The following BMS1 variants were observed in gnomAD, a reference collection of about 807,000 sequenced individuals.
The protein encoded by BMS1 is BMS1 ribosome biogenesis factor.
In BMS1, 53 loss-of-function variants were observed where a neutral mutation model predicts 138.7. The ratio of observed to expected loss-of-function variants is 0.38; its 90% CI spans 0.31 to 0.48. The LOEUF (loss-of-function observed/expected upper bound fraction) is 0.48. Ranked by LOEUF, BMS1 falls within the 20% of genes least tolerant of loss-of-function variation. The pLI is 0.97. For missense variants in BMS1, 1,360 were observed against 1,565.5 expected, an observed-to-expected ratio of 0.87 and a Z score of 2.22; for synonymous variants, 504 against 539.9, an observed-to-expected ratio of 0.93 and a Z score of 0.92.
intron 13 of BMS1, among the ~76,000 whole-genome samples, chr10:42,816,231 G>A (rs554768834): frequency 2.6e-5 from 4 of 152,172 alleles, no homozygotes; most frequent in South Asian, 2.1e-4. Flanking sequence ...CCCGGGAGGC[G>A]GAGGTTGCAG....
At chr10:42,797,741 C>T (rs986752190) in intron 11 of BMS1, among the ~76,000 whole-genome samples, 6 of 152,038 alleles carry the variant, frequency 3.9e-5, no homozygotes, top group Non-Finnish European at 5.9e-5. Context: ...ATGCAAATAC[C>T]GTCCATTGCA....
At chr10:42,826,254 TG>T (rs1157358911) in intron 21 of BMS1, among the ~76,000 whole-genome samples, 2 of 151,592 alleles carry the variant, frequency 1.3e-5, no homozygotes, top group Non-Finnish European at 2.9e-5. Flanking sequence ...TGTGTGTGTG[TG>T]TGTGTGTGTG....
chr10:42,826,237 TTGTGTGTGTGTGTGTG>T (rs35886214), intron 21 of BMS1, among the ~76,000 whole-genome samples: 13 of 145,762 alleles, frequency 8.9e-5, no homozygotes, highest in South Asian at 2.2e-4. Flanking sequence ...TTTTTGTTTG[TTGTGTGTGTGTGTGTG>T]TGTGTGTGTG....
intron 21 of BMS1, among the ~76,000 whole-genome samples, chr10:42,828,431 G>C (rs1043377187): frequency 5.3e-5 from 8 of 152,126 alleles, no homozygotes; most frequent in Non-Finnish European, 1.2e-4. Flanking sequence ...GGTACGGAGG[G>C]GCACACACAC....
intron 13 of BMS1, among the ~76,000 whole-genome samples, chr10:42,812,297 C>G (rs747100161): frequency 6.6e-6 from 1 of 152,136 alleles, no homozygotes; most frequent in South Asian, 2.1e-4. Context: ...AGGTGTGTGC[C>G]GCCACACTTG....
intron 9 of BMS1, among the ~76,000 whole-genome samples, chr10:42,794,332 G>C (rs1236947550): frequency 1.3e-5 from 2 of 152,092 alleles, no homozygotes; most frequent in Non-Finnish European, 2.9e-5. Context: ...GTTTGTGGCT[G>C]TCCAGAAGCC....
intron 13 of BMS1, among the ~76,000 whole-genome samples, chr10:42,805,469 G>A (rs1841987347): frequency 1.3e-5 from 2 of 152,034 alleles, no homozygotes; most frequent in Admixed American, 1.3e-4. Context: ...GGTTAATCTA[G>A]GTTCTTTGCA....
At position 42,819,896 on chromosome 10, in the gene BMS1, A is replaced by G. The variant is rs377155657; in HGVS notation, c.2581-340A>G. Among the ~76,000 whole-genome samples the G allele has an allele frequency of 2.6e-5, 4 of 152,142 alleles. No homozygotes were observed. In the East Asian group the frequency reaches 7.8e-4, roughly 29 times the overall value. ...AACCTCCGTCTCCCGGGTTCAAGCA[A>G]TTCTCTCACCTCTGCCTCCTGAGTA... is the stretch of plus-strand genomic sequence containing the variant. On this transcript the variant is annotated intron_variant, in intron 15 of 22. Transcript: ENST00000374518.
In BMS1 at chr10:42,833,335, G is replaced by T. The variant is rs1842830321; in HGVS notation, c.*2239G>T. Reference sequence around the variant, plus strand: ...TCATGTAGAATTTTTATTGGTGAAGGTTCCACCTGGCCAGGTTAGTAAAAT... The same window carrying T: ...TCATGTAGAATTTTTATTGGTGAAGTTTCCACCTGGCCAGGTTAGTAAAAT... On this transcript the variant is annotated 3_prime_UTR_variant, in exon 23 of 23. Transcript: ENST00000374518. 1 of 152,186 alleles carries T rather than the reference G, an allele frequency of 6.6e-6. No individual in the cohort carries two copies. The allele number at this position is 152,186 out of a possible 1,614,324, so 9.4% of individuals were successfully genotyped here. A position where few individuals can be genotyped will look rare whatever the true frequency, so the allele number is the denominator to read the frequency against.
Position 42,787,274 on chromosome 10 carries a change from G to T in BMS1, c.447+27G>T, listed in dbSNP as rs766655500. The T allele has an allele frequency of 1.6e-5, 14 of 856,432 alleles. No homozygotes were observed. The South Asian group carries it at 1.9e-4, about 12-fold the overall frequency. 53.1% of individuals were successfully genotyped at this position (856,432 alleles called of 1,614,324 possible). Reference sequence around the variant, plus strand: ...TAAGTGAGCAGGGGCAGCCTGGGGTGCTGATGGAGACTTACAGCATTGTGA... The same window carrying T: ...TAAGTGAGCAGGGGCAGCCTGGGGTTCTGATGGAGACTTACAGCATTGTGA... On this transcript the variant is annotated intron_variant, in intron 4 of 22. Coordinates refer to ENST00000374518, the MANE Select transcript of BMS1 (RefSeq NM_014753.4).
chr10:42,784,622 G>GT, intron 2 of BMS1, 52 bp downstream of exon 2: 1 of 1,542,528 alleles, frequency 6.5e-7, no homozygotes, highest in East Asian at 2.3e-5. Context: ...TTTTTAAATA[G>GT]TAGGAGCCTC....
chr10:42,822,968 C>T, intron 19 of BMS1, 150 bp from the exon 20 acceptor site: 2 of 785,092 alleles, frequency 2.5e-6, no homozygotes, highest in South Asian at 3.6e-5. Context: ...ATAGTAATTC[C>T]ACTTTCAGGG....
At chr10:42,823,371 C>A in intron 20 of BMS1, 106 bp downstream of exon 20, 1 of 1,416,244 alleles carries the variant, frequency 7.1e-7, no homozygotes, top group Non-Finnish European at 9.4e-7. Flanking sequence ...TTGAGCAGCT[C>A]CAGCCTTAGA....
chr10:42,809,959 T>C (rs1403475870), intron 13 of BMS1, among the ~76,000 whole-genome samples: 6 of 148,382 alleles, frequency 4.0e-5, no homozygotes, highest in Admixed American at 4.0e-4. Flanking sequence ...CTAATTTTTT[T>C]TTTTTTTTTT....
Position 42,796,478 on chromosome 10 carries a change from A to T in BMS1, c.1234A>T (p.Met412Leu), listed in dbSNP as rs199570759. 29 of 1,610,710 alleles carry T rather than the reference A, an allele frequency of 1.8e-5. No individual in the cohort carries two copies. The highest frequency in any genetic ancestry group is 2.3e-5 in the Non-Finnish European group (27 of 1,177,280). The change falls in exon 10 of 23, where the codon ATG (methionine) becomes TTG (leucine). Residue 412 changes from methionine (M) to leucine (L), a missense_variant. Coordinates refer to ENST00000374518, the MANE Select transcript of BMS1 (RefSeq NM_014753.4). The part of the protein sequence containing the change: ...GSEDIDNQGL[M>L]MPKEEKQMDL... ...TGTATTTCCTTGGTAATACAGGCTA[A>T]TGATGCCAAAGGAGGAAAAACAAAT...
intron 19 of BMS1, among the ~76,000 whole-genome samples, 174 bp from the exon 20 acceptor site, chr10:42,822,944 G>A (rs1460706982): frequency 2.6e-5 from 4 of 152,150 alleles, no homozygotes; most frequent in African/African-American, 9.7e-5. Flanking sequence ...TGAAAGACTT[G>A]TATTCTTTTT....
At chr10:42,784,255 A>G (rs954730739) in intron 1 of BMS1, 107 bp from the exon 2 acceptor site, 2 of 804,070 alleles carry the variant, frequency 2.5e-6, no homozygotes, top group Non-Finnish European at 3.8e-6. Flanking sequence ...GAACAAATAC[A>G]TCATCTCTTC....
intron 15 of BMS1, among the ~76,000 whole-genome samples, chr10:42,818,549 T>C (rs1228929270): frequency 6.6e-6 from 1 of 151,638 alleles, no homozygotes; most frequent in African/African-American, 2.4e-5. Context: ...GAATGTGGGG[T>C]GTGTGAGAGG....
intron 13 of BMS1, among the ~76,000 whole-genome samples, chr10:42,806,930 A>G (rs1483557235): frequency 1.3e-5 from 2 of 152,194 alleles, no homozygotes; most frequent in South Asian, 2.1e-4. Flanking sequence ...GTATCTGTGT[A>G]TATATGTACT....
Sources: allele counts gnomAD v4.1 joint callset (sites outside exome capture counted in the v4.1 genomes callset), GRCh38; gene constraint gnomAD v4.1.1; transcripts MANE v1.5; gene names NCBI Gene and HGNC (gene_info 2026-07-23, HGNC 2026-07-21).